Variants in ZNF566 observed in about 807,000 individuals in gnomAD.
The protein encoded by ZNF566 is zinc finger protein 566.
ZNF566 carries 27 observed loss-of-function variants against 32.8 expected under a neutral mutation model. That is an observed-to-expected ratio of 0.82 (90% CI 0.61 to 1.14). The LOEUF is 1.14. Ranked by LOEUF, ZNF566 falls within the 50% of genes most tolerant of loss-of-function variation. The pLI is 0.00. For missense variants in ZNF566, 402 were observed against 490.4 expected, an observed-to-expected ratio of 0.82 and a Z score of 1.70; for synonymous variants, 154 against 159.5, an observed-to-expected ratio of 0.97 and a Z score of 0.26.
intron 4 of ZNF566, among the ~76,000 whole-genome samples, chr19:36,453,360 CTA>C (rs2033212354): frequency 6.6e-6 from 1 of 151,006 alleles, no homozygotes; most frequent in Non-Finnish European, 1.5e-5. Context: ...GTACTCCCGG[CTA>C]CTCAGGAGGC....
In ZNF566 at chr19:36,449,518, C is replaced by A. The variant is rs1398480480; in HGVS notation, c.716G>T (p.Gly239Val). 1.9e-6 allele frequency: 3 copies of A among 1,614,088 alleles called. No homozygotes were observed. The Admixed American group carries it at 5.0e-5, about 27-fold the overall frequency. Residue 239 changes from glycine (G) to valine (V), a missense_variant, in exon 5 of 5, where the codon GGC (glycine) becomes GTC (valine). Physicochemically the swap from Gly to Val is moderately radical, Grantham distance 109. Transcript: ENST00000452939. ...TCTGTGATGTCGAGTAAGGTCTGAG[C>A]CACAAATAAAGGTTTTTCCACATTC... ...CKECGKTFIC[G>V]SDLTRHHRIH...
At chr19:36,450,084 C>A in intron 4 of ZNF566, 83 bp from the exon 5 acceptor site, 2 of 1,188,054 alleles carry the variant, frequency 1.7e-6, no homozygotes, top group South Asian at 1.5e-5. Context: ...AGAATTTAAC[C>A]GAATTTTTTT....
At chr19:36,467,668 G>A (rs1358300785) in intron 4 of ZNF566, among the ~76,000 whole-genome samples, 1 of 149,478 alleles carries the variant, frequency 6.7e-6, no homozygotes, top group East Asian at 2.0e-4. Context: ...GCACGTGCTT[G>A]TAATTCCAGG....
intron 4 of ZNF566, among the ~76,000 whole-genome samples, chr19:36,459,028 A>G (rs898890910): frequency 2.0e-5 from 3 of 151,792 alleles, no homozygotes; most frequent in African/African-American, 4.8e-5. Flanking sequence ...CAATATATAT[A>G]ATTTTTATTT....
In ZNF566 at chr19:36,449,429, T is replaced by C. The variant is rs1409133133; in HGVS notation, c.805A>G (p.Asn269Asp). 3 of 1,613,480 alleles carry C rather than the reference T, an allele frequency of 1.9e-6. No individual in the cohort carries two copies. The highest frequency in any genetic ancestry group is 1.7e-6 in the Non-Finnish European group (2 of 1,179,854). Residue 269 changes from asparagine to aspartate, a missense_variant, in exon 5 of 5, where the codon AAC (asparagine) becomes GAC (aspartate). Coordinates refer to ENST00000452939, the MANE Select transcript of ZNF566 (RefSeq NM_001145344.1). ...TGAATTCTCTGATGTCGAGTGAAGTTTGAACCACTACTAAAGGCTTTCCCA... is the reference window on the plus strand; with the variant it reads ...TGAATTCTCTGATGTCGAGTGAAGTCTGAACCACTACTAAAGGCTTTCCCA... ...ECGKAFSSGS[N>D]FTRHQRIHTG...
intron 4 of ZNF566, among the ~76,000 whole-genome samples, chr19:36,466,465 C>T (rs2033616292): frequency 6.6e-6 from 1 of 152,172 alleles, no homozygotes; most frequent in South Asian, 2.1e-4. Flanking sequence ...ATTTTACATC[C>T]ATGATTGGTT....
rs367610018 is a variant in ZNF566, at chr19:36,463,479, T to G, written c.232+9432A>C. Among the ~76,000 whole-genome samples, 13 of 151,926 alleles carry G rather than the reference T, an allele frequency of 8.6e-5. No individual in the cohort carries two copies. In the East Asian group the frequency reaches 1.4e-3, roughly 16 times the overall value. The stretch of plus-strand genomic sequence containing the variant: ...AGTACTGTGGTCATGGCAAACATGA[T>G]TTAACGTAATAAAGATATCAGTTAC... On this transcript the variant is annotated intron_variant, in intron 4 of 4. Transcript: ENST00000452939.
At chr19:36,467,029 G>A (rs1186436985) in intron 4 of ZNF566, among the ~76,000 whole-genome samples, 4 of 149,304 alleles carry the variant, frequency 2.7e-5, no homozygotes, top group Non-Finnish European at 1.5e-5. Flanking sequence ...AGATGGCGCC[G>A]CTGCACTCCA....
intron 4 of ZNF566, chr19:36,456,668 A>G (rs2033323466): frequency 6.6e-6 from 1 of 152,262 alleles, no homozygotes; most frequent in East Asian, 1.9e-4. Context: ...CCACCATGGC[A>G]TGTGTATACC....
chr19:36,460,538 TG>T (rs34705421), intron 4 of ZNF566, among the ~76,000 whole-genome samples: 41,386 of 151,598 alleles, frequency 0.27, 5,832 homozygotes, highest in South Asian at 0.37. Flanking sequence ...AGATGGAAAA[TG>T]CAAAAAGAAC....
At chr19:36,462,829 T>C (rs1019051820) in intron 4 of ZNF566, among the ~76,000 whole-genome samples, 1 of 150,118 alleles carries the variant, frequency 6.7e-6, no homozygotes, top group African/African-American at 2.4e-5. Flanking sequence ...TGGTGGGGGG[T>C]GCCTGTAATC....
intron 1 of ZNF566, among the ~76,000 whole-genome samples, chr19:36,478,676 T>G (rs536410405): frequency 6.6e-6 from 1 of 151,406 alleles, no homozygotes; most frequent in African/African-American, 2.4e-5. Context: ...ACTTGATGAG[T>G]AGCATCTAAG....
intron 4 of ZNF566, among the ~76,000 whole-genome samples, chr19:36,462,577 C>T (rs1291488621): frequency 6.6e-6 from 1 of 151,892 alleles, no homozygotes; most frequent in African/African-American, 2.4e-5. Context: ...CCACTGCTTC[C>T]ACTATTGCTG....
chr19:36,474,342 A>G (rs774665705), intron 2 of ZNF566, among the ~76,000 whole-genome samples: 3 of 152,202 alleles, frequency 2.0e-5, no homozygotes, highest in Non-Finnish European at 4.4e-5. Context: ...GATTCTGGAT[A>G]TAAACACACA....
intron 1 of ZNF566, among the ~76,000 whole-genome samples, chr19:36,488,301 C>T (rs2034222021): frequency 1.3e-5 from 2 of 152,108 alleles, no homozygotes; most frequent in African/African-American, 4.8e-5. Context: ...CACTATGTTG[C>T]CCAGGCTGGT....
chr19:36,449,216 C>A lies in ZNF566; in HGVS notation c.1018G>T (p.Glu340Ter), dbSNP rs144570782. The A allele has an allele frequency of 6.2e-7, 1 of 1,613,996 alleles. No individual in the cohort carries two copies. Among genetic ancestry groups the A allele is most frequent in the Non-Finnish European group, 8.5e-7 (1 of 1,179,954 alleles). The change falls in exon 5 of 5, where the codon GAA becomes TAA. Residue 340 changes from glutamate to a stop codon, truncating the protein, a stop_gained. Transcript: ENST00000452939. LOFTEE classifies it high-confidence loss of function. Reference protein sequence around the residue: ...QRIHTGEKPYECKECEKAFRS... With the variant: ...QRIHTGEKPY ...AAAGCCTTTTCACATTCCTTACATT[C>A]GTAAGGTTTCTCACCTGTATGGATT...
chr19:36,462,799 T>C (rs942976604), intron 4 of ZNF566, among the ~76,000 whole-genome samples: 10 of 150,632 alleles, frequency 6.6e-5, no homozygotes, highest in African/African-American at 2.2e-4. Context: ...CTACTAAAAA[T>C]ACAAAAAATT....
At chr19:36,476,300 C>G in intron 2 of ZNF566, 2 of 370,958 alleles carry the variant, frequency 5.4e-6, no homozygotes, top group Non-Finnish European at 9.6e-6. Context: ...AGCGAGACTC[C>G]ATCTCGAAAA....
At chr19:36,469,558 A>G (rs2945991) in intron 4 of ZNF566, among the ~76,000 whole-genome samples, 3,722 of 152,304 alleles carry the variant, frequency 0.024, 156 homozygotes, top group African/African-American at 0.085. Flanking sequence ...AAGAAAAAAA[A>G]GAAAATATTT....
Sources: allele counts gnomAD v4.1 joint callset (sites outside exome capture counted in the v4.1 genomes callset), GRCh38; gene constraint gnomAD v4.1.1; transcripts MANE v1.5; gene names NCBI Gene and HGNC (gene_info 2026-07-23, HGNC 2026-07-21).